Variants in SHANK2 observed in about 807,000 individuals in gnomAD.
SHANK2 encodes SH3 and multiple ankyrin repeat domains 2.
A neutral mutation model predicts 133.7 loss-of-function variants in SHANK2; 43 were observed. The observed-to-expected ratio is 0.32, with a 90% confidence interval of 0.25 to 0.41. SHANK2 has a LOEUF of 0.41. Ranked by LOEUF, SHANK2 falls within the 10% of genes least tolerant of loss-of-function variation. The probability of loss-of-function intolerance (pLI) is 1.00; values close to 1 mark genes in which losing one functional copy is unlikely to be tolerated. For missense variants in SHANK2, 1,994 were observed against 2,235.8 expected (o/e 0.89, Z 2.18); for synonymous variants, 1,017 against 952.8 (o/e 1.07, Z -1.24).
intron 2 of SHANK2, among the ~76,000 whole-genome samples, chr11:71,189,779 T>C (rs1216702951): frequency 2.0e-5 from 3 of 152,224 alleles, no homozygotes; most frequent in African/African-American, 7.2e-5. Context: ...ACAAACTCCA[T>C]GTCCAGAGCT....
chr11:70,552,983 C>T (rs896229973), intron 17 of SHANK2, among the ~76,000 whole-genome samples: 3 of 152,154 alleles, frequency 2.0e-5, no homozygotes, highest in East Asian at 1.9e-4. Flanking sequence ...CGCCTTCCCC[C>T]GTGTCCTCAT....
intron 11 of SHANK2, among the ~76,000 whole-genome samples, chr11:70,894,437 T>C (rs1391818860): frequency 6.6e-6 from 1 of 152,212 alleles, no homozygotes; most frequent in Non-Finnish European, 1.5e-5. Flanking sequence ...TCCACCCACC[T>C]TGGCCTCCCA....
At chr11:70,559,174 A>G (rs578207512) in intron 17 of SHANK2, among the ~76,000 whole-genome samples, 1 of 152,000 alleles carries the variant, frequency 6.6e-6, no homozygotes, top group Non-Finnish European at 1.5e-5. Context: ...ACCTGCCACC[A>G]CACCCGGCTA....
chr11:70,776,412 T>C (rs1947365919), intron 14 of SHANK2, among the ~76,000 whole-genome samples: 1 of 152,182 alleles, frequency 6.6e-6, no homozygotes, highest in South Asian at 2.1e-4. Flanking sequence ...TGAAGGTAAC[T>C]GATACCTTAA....
chr11:70,538,720 C>T (rs76984009), intron 17 of SHANK2, among the ~76,000 whole-genome samples: 2,538 of 152,298 alleles, frequency 0.017, 49 homozygotes, highest in East Asian at 0.1. Flanking sequence ...GAGATAAGAT[C>T]CACCAGCCAG....
intron 11 of SHANK2, among the ~76,000 whole-genome samples, chr11:70,860,339 C>T (rs377559637): frequency 2.0e-5 from 3 of 152,308 alleles, no homozygotes; most frequent in South Asian, 4.1e-4. Context: ...ATGTTATCCT[C>T]GTGCACACCT....
chr11:71,085,725 TA>T (rs1338500648), intron 8 of SHANK2, among the ~76,000 whole-genome samples: 1,814 of 55,322 alleles, frequency 0.033, 103 homozygotes, highest in African/African-American at 0.1. Flanking sequence ...TTATATTATA[TA>T]AAATATAATA....
At chr11:70,716,811 A>G (rs1664193) in intron 14 of SHANK2, among the ~76,000 whole-genome samples, 69,922 of 151,622 alleles carry the variant, frequency 0.46, 16,507 homozygotes, top group African/African-American at 0.55. Flanking sequence ...TGGCTCACAT[A>G]GATCTCTTCA....
At chr11:70,859,594 C>T (rs1949225938) in intron 11 of SHANK2, among the ~76,000 whole-genome samples, 1 of 152,082 alleles carries the variant, frequency 6.6e-6, no homozygotes, top group African/African-American at 2.4e-5. Flanking sequence ...GGATGAATGA[C>T]ATCATAGGTA....
At chr11:71,197,663 A>G (rs150348262) in intron 2 of SHANK2, among the ~76,000 whole-genome samples, 3,281 of 152,152 alleles carry the variant, frequency 0.022, 55 homozygotes, top group Non-Finnish European at 0.031. Context: ...TTATTTATTT[A>G]TTTTTGAGAC....
At chr11:70,628,972 T>C (rs2060941293) in intron 17 of SHANK2, among the ~76,000 whole-genome samples, 1 of 152,152 alleles carries the variant, frequency 6.6e-6, no homozygotes, top group Non-Finnish European at 1.5e-5. Flanking sequence ...TGTACCATTG[T>C]TGTGAGCGGA....
At chr11:70,853,025 G>A (rs1555066050) in intron 11 of SHANK2, among the ~76,000 whole-genome samples, 1 of 142,878 alleles carries the variant, frequency 7.0e-6, no homozygotes, top group East Asian at 1.9e-4. Context: ...CCCTGCCCTG[G>A]GGAAGCAGAG....
intron 14 of SHANK2, among the ~76,000 whole-genome samples, chr11:70,734,795 G>A (rs1233265531): frequency 6.6e-6 from 1 of 152,230 alleles, no homozygotes; most frequent in Non-Finnish European, 1.5e-5. Context: ...CTGGCCCCGA[G>A]GGCCTACCCA....
chr11:71,056,751 C>T (rs960939313), intron 9 of SHANK2, among the ~76,000 whole-genome samples, 193 bp from the exon 10 acceptor site: 4 of 152,144 alleles, frequency 2.6e-5, no homozygotes, highest in Admixed American at 2.6e-4. Context: ...TATGGCCAAA[C>T]AATTTCACTT....
chr11:70,907,834 G>C (rs1371787131), intron 10 of SHANK2: 3 of 451,508 alleles, frequency 6.6e-6, no homozygotes, highest in Non-Finnish European at 9.0e-6. Context: ...AGACATGAAG[G>C]CTCATGCCTG....
At position 70,502,196 on chromosome 11, in the gene SHANK2, T is replaced by G; in HGVS notation, c.2278+10A>C. The G allele has an allele frequency of 6.4e-7, 1 of 1,554,152 alleles. No homozygotes were observed. Among genetic ancestry groups the G allele is most frequent in the Non-Finnish European group, 8.7e-7 (1 of 1,148,192 alleles). On this transcript the variant is annotated intron_variant, in intron 19 of 25. Transcript: ENST00000601538. ...TGACTGTACAGGGCTGGGCCGGGTG[T>G]GCGACTTACCGAGCTCCTCCAGCTC...
chr11:70,729,935 C>G lies in SHANK2; in HGVS notation c.1778-31172G>C, dbSNP rs116892540. Among the ~76,000 whole-genome samples, 76 of 150,618 alleles carry G rather than the reference C, an allele frequency of 5.0e-4. No homozygotes were observed. The East Asian group carries it at 0.011, about 22-fold the overall frequency. ...AAAAAAAAGCCGATAGGTGCCTGAG[C>G]CAGGTGGTCTAAGTCCCAAACCTGC... On this transcript the variant is annotated intron_variant, in intron 14 of 25. Coordinates refer to ENST00000601538, the MANE Select transcript of SHANK2 (RefSeq NM_012309.5).
At chr11:71,180,640 C>A (rs890519594) in intron 2 of SHANK2, among the ~76,000 whole-genome samples, 1 of 151,884 alleles carries the variant, frequency 6.6e-6, no homozygotes, top group African/African-American at 2.4e-5. Flanking sequence ...ATTTTTTTGG[C>A]GGGGGCGGCG....
At position 70,500,212 on chromosome 11, in the gene SHANK2, A is replaced by C. The variant is rs1177009972; in HGVS notation, c.2308+358T>G. 6.6e-6 allele frequency among the ~76,000 whole-genome samples: 1 copy of C among 152,130 alleles called. No individual in the cohort carries two copies. Among genetic ancestry groups the C allele is most frequent in the Non-Finnish European group, 1.5e-5 (1 of 68,012 alleles). ...TAAAGGGAGGCAGTTCCTGCCCACC[A>C]CAAAGGGGTCCTGAGGGTCAGGAAT... On this transcript the variant is annotated intron_variant, in intron 21 of 25. Transcript: ENST00000601538. This position sits in a 1 kb window ranked among gnomAD's most constrained non-coding sequence, Gnocchi z 4.5.
Sources: allele counts gnomAD v4.1 joint callset (sites outside exome capture counted in the v4.1 genomes callset), GRCh38; gene constraint gnomAD v4.1.1; non-coding constraint Gnocchi (gnomAD v3.1); transcripts MANE v1.5; gene names NCBI Gene and HGNC (gene_info 2026-07-23, HGNC 2026-07-21).